RBFOX1: variants seen among roughly 807,000 people sequenced by gnomAD.
The protein encoded by RBFOX1 is RNA binding protein fox-1 homolog 1.
RBFOX1 carries 8 observed loss-of-function variants against 57.7 expected under a neutral mutation model. That is an observed-to-expected ratio of 0.14 (90% confidence interval 0.08 to 0.25). The LOEUF is 0.25. Among genes scored for constraint, RBFOX1 ranks in the 10% least tolerant of loss-of-function variants. The probability of loss-of-function intolerance (pLI) is 1.00; values close to 1 mark genes in which losing one functional copy is unlikely to be tolerated. For synonymous variants in RBFOX1, 326 were observed against 222.4 expected (o/e 1.47, Z -4.15); for missense variants, 611 against 548.5 (o/e 1.11, Z -1.14).
At chr16:6,268,975 C>G (rs1156996397) in intron 1 of RBFOX1, among the ~76,000 whole-genome samples, 1 of 152,134 alleles carries the variant, frequency 6.6e-6, no homozygotes, top group Non-Finnish European at 1.5e-5. Context: ...AAACATCCTC[C>G]TGTATGCTTT....
At chr16:6,843,740 A>G (rs1387267451) in intron 3 of RBFOX1, among the ~76,000 whole-genome samples, 1 of 152,194 alleles carries the variant, frequency 6.6e-6, no homozygotes, top group Non-Finnish European at 1.5e-5. Context: ...TCCTTTTCAC[A>G]TATAAATTAA....
intron 3 of RBFOX1, among the ~76,000 whole-genome samples, chr16:6,825,413 T>C (rs918131312): frequency 2.6e-5 from 4 of 152,054 alleles, no homozygotes; most frequent in Non-Finnish European, 4.4e-5. Flanking sequence ...CCAGAGATTA[T>C]TCAGCAAGGC....
chr16:6,020,760 A>C (rs1195109889), intron 1 of RBFOX1, among the ~76,000 whole-genome samples: 1 of 152,100 alleles, frequency 6.6e-6, no homozygotes, highest in Non-Finnish European at 1.5e-5. Context: ...GGGCGGGGCT[A>C]GTGGGGCGCC....
chr16:6,101,405 C>G (rs1290355581), intron 1 of RBFOX1, among the ~76,000 whole-genome samples: 4 of 152,180 alleles, frequency 2.6e-5, no homozygotes, highest in African/African-American at 9.7e-5. Context: ...TATTTTTTCT[C>G]ACAAGGCAGC....
At chr16:5,798,323 A>C (rs2054944954) in intron 3 of RBFOX1, among the ~76,000 whole-genome samples, 1 of 152,198 alleles carries the variant, frequency 6.6e-6, no homozygotes, top group South Asian at 2.1e-4. Context: ...TGATCTTCCA[A>C]GCAGTGTCGA....
intron 4 of RBFOX1, among the ~76,000 whole-genome samples, chr16:7,390,587 A>C (rs1247738283): frequency 6.6e-6 from 1 of 152,258 alleles, no homozygotes; most frequent in Non-Finnish European, 1.5e-5. Flanking sequence ...TGCAAGTATA[A>C]GGTGCTATAT....
intron 4 of RBFOX1, among the ~76,000 whole-genome samples, chr16:7,388,298 C>T (rs527565196): frequency 3.2e-4 from 49 of 152,214 alleles, no homozygotes; most frequent in African/African-American, 1.1e-3. Flanking sequence ...ACTTGCATTG[C>T]TTTCTGGGGA....
chr16:6,014,560 C>T (rs951564364), upstream of RBFOX1, among the ~76,000 whole-genome samples: 3 of 152,106 alleles, frequency 2.0e-5, no homozygotes, highest in African/African-American at 7.2e-5. Context: ...CTGCCATGTG[C>T]CCAAGGACTG....
chr16:7,232,333 T>A (rs1382742927), intron 4 of RBFOX1, among the ~76,000 whole-genome samples: 1 of 152,184 alleles, frequency 6.6e-6, no homozygotes, highest in Non-Finnish European at 1.5e-5. Flanking sequence ...GTGAGATATA[T>A]AACTTGCTTG....
intron 13 of RBFOX1, 134 bp downstream of exon 13, chr16:7,665,102 G>A: frequency 6.4e-7 from 1 of 1,561,196 alleles, no homozygotes; most frequent in South Asian, 1.2e-5. Flanking sequence ...TCCGTGGTTT[G>A]TCTTGCAGGA....
chr16:7,558,692 A>G (rs2089491286), intron 5 of RBFOX1, among the ~76,000 whole-genome samples: 1 of 152,142 alleles, frequency 6.6e-6, no homozygotes, highest in Non-Finnish European at 1.5e-5. Context: ...ACAGTCCACC[A>G]GCTACCCCAG....
intron 4 of RBFOX1, among the ~76,000 whole-genome samples, chr16:7,235,330 G>C (rs1295654761): frequency 6.6e-6 from 1 of 152,202 alleles, no homozygotes; most frequent in Non-Finnish European, 1.5e-5. Context: ...CCATTCCCTA[G>C]TGGTATTTTT....
At chr16:7,626,310 C>T (rs745496930) in intron 10 of RBFOX1, among the ~76,000 whole-genome samples, 1 of 152,238 alleles carries the variant, frequency 6.6e-6, no homozygotes, top group Non-Finnish European at 1.5e-5. Context: ...GAATGATCCC[C>T]TGCATGCCGT....
At chr16:5,596,806 A>C (rs1412529502) in intron 2 of RBFOX1, among the ~76,000 whole-genome samples, 3 of 152,204 alleles carry the variant, frequency 2.0e-5, no homozygotes, top group Non-Finnish European at 4.4e-5. Context: ...TCACTGCATC[A>C]TCCTCCTCCC....
chr16:5,650,040 C>T (rs554125560), intron 3 of RBFOX1, among the ~76,000 whole-genome samples: 14 of 152,264 alleles, frequency 9.2e-5, no homozygotes, highest in Admixed American at 2.6e-4. Flanking sequence ...AAGCATTGGC[C>T]GTCTGGGCTG....
At chr16:5,858,355 G>A (rs748286947) in intron 3 of RBFOX1, among the ~76,000 whole-genome samples, 8 of 152,134 alleles carry the variant, frequency 5.3e-5, no homozygotes, top group Admixed American at 2.0e-4. Context: ...CATGTGTCAG[G>A]GTGACTGATG....
chr16:6,830,643 A>G (rs1331906528), intron 3 of RBFOX1, among the ~76,000 whole-genome samples: 2 of 152,104 alleles, frequency 1.3e-5, no homozygotes, highest in Admixed American at 1.3e-4. Context: ...CAGTATATAG[A>G]ACAGCTCTTA....
intron 4 of RBFOX1, among the ~76,000 whole-genome samples, chr16:7,205,544 G>T (rs943366146): frequency 1.3e-5 from 2 of 150,538 alleles, no homozygotes; most frequent in African/African-American, 4.9e-5. Flanking sequence ...AGAAAAAAAA[G>T]AAAACTTACG....
chr16:5,311,736 G>A (rs778456411), intron 1 of RBFOX1, among the ~76,000 whole-genome samples: 86 of 152,060 alleles, frequency 5.7e-4, no homozygotes, highest in Admixed American at 1.3e-3. Flanking sequence ...TCCACTTTTC[G>A]ATGGGATGAT....
Sources: gnomAD v4.1 joint callset for allele counts (sites outside exome capture counted in the v4.1 genomes callset) on GRCh38, gnomAD v4.1.1 for gene constraint, MANE v1.5 for transcripts, NCBI Gene and HGNC (gene_info 2026-07-23, HGNC 2026-07-21) for gene names.